The following SPTBN4 variants were observed in gnomAD, a reference collection of about 807,000 sequenced individuals.
SPTBN4 encodes spectrin beta chain, non-erythrocytic 4.
Under a neutral mutation model 277.8 loss-of-function variants are expected in SPTBN4, and 96 were observed. The ratio of observed to expected loss-of-function variants is 0.35; its 90% CI spans 0.29 to 0.41. The LOEUF (loss-of-function observed/expected upper bound fraction) is 0.41. SPTBN4 is among the 10% of genes least tolerant of loss of function. SPTBN4 has a pLI of 1.00. For missense variants in SPTBN4, 3,006 were observed against 3,595.7 expected (o/e 0.84, Z 4.19); for synonymous variants, 1,481 against 1,580.3 (o/e 0.94, Z 1.49).
At chr19:40,527,342 G>A (rs2080604593) in intron 17 of SPTBN4, among the ~76,000 whole-genome samples, 1 of 151,990 alleles carries the variant, frequency 6.6e-6, no homozygotes, top group African/African-American at 2.4e-5. Flanking sequence ...ACAAATATAA[G>A]TCGAGCGTGT....
chr19:40,493,650 G>C (rs1337517618), intron 5 of SPTBN4, among the ~76,000 whole-genome samples: 2 of 152,032 alleles, frequency 1.3e-5, no homozygotes, highest in East Asian at 3.9e-4. Context: ...TTTGAGTCCA[G>C]GAGTTCAAGG....
At chr19:40,533,652 C>T (rs1315571632) in intron 19 of SPTBN4, among the ~76,000 whole-genome samples, 2 of 151,996 alleles carry the variant, frequency 1.3e-5, no homozygotes, top group Non-Finnish European at 2.9e-5. Context: ...CCCTGCCTCT[C>T]TGGCTCCCTC....
chr19:40,517,152 G>A (rs2080469853), intron 15 of SPTBN4, among the ~76,000 whole-genome samples: 2 of 152,096 alleles, frequency 1.3e-5, no homozygotes, highest in African/African-American at 4.8e-5. Flanking sequence ...ACACTATGAG[G>A]TGGAAACTAC....
At chr19:40,575,329 AG>A in intron 35 of SPTBN4, 81 bp from the exon 36 acceptor site, 1 of 1,440,338 alleles carries the variant, frequency 6.9e-7, no homozygotes, top group Non-Finnish European at 9.3e-7. Context: ...AATTTCAGAG[AG>A]GGTAGTCTGA....
chr19:40,467,626 G>T (rs923782889), intron 1 of SPTBN4, among the ~76,000 whole-genome samples: 3 of 102,530 alleles, frequency 2.9e-5, no homozygotes, highest in Admixed American at 8.8e-5. Flanking sequence ...GCCTTTGCGG[G>T]GGGGGGGGGG....
chr19:40,531,669 G>A (rs182670764), intron 18 of SPTBN4, among the ~76,000 whole-genome samples: 8 of 151,452 alleles, frequency 5.3e-5, no homozygotes, highest in Admixed American at 3.3e-4. Flanking sequence ...GCCTGTGATT[G>A]ATCCTCTCTA....
intron 20 of SPTBN4, among the ~76,000 whole-genome samples, chr19:40,541,417 G>C (rs1307571759): frequency 6.6e-6 from 1 of 152,196 alleles, no homozygotes; most frequent in Admixed American, 6.5e-5. Flanking sequence ...GTGTGGGCCA[G>C]GGCACCCAGA....
intron 13 of SPTBN4, among the ~76,000 whole-genome samples, chr19:40,507,024 T>G (rs746838846): frequency 6.6e-6 from 1 of 152,014 alleles, no homozygotes; most frequent in Non-Finnish European, 1.5e-5. Flanking sequence ...GTAATGTTAA[T>G]CAGGGCCTAT....
At chr19:40,508,590 A>T (rs931905088) in intron 13 of SPTBN4, among the ~76,000 whole-genome samples, 2 of 152,354 alleles carry the variant, frequency 1.3e-5, no homozygotes, top group African/African-American at 2.4e-5. Flanking sequence ...CAGAAGGCTG[A>T]GGCAGGAGAA....
chr19:40,567,799 A>G lies in SPTBN4; in HGVS notation c.6473A>G (p.Glu2158Gly). ...LRPGGYERGLEPLARRASDTL... is the reference protein window; with the variant it reads ...LRPGGYERGLGPLARRASDTL... ...CCAGGGGGCTATGAAAGGGGCTTGG[A>G]GCCCCTGGCCCGCCGAGCCTCGGAC... The change falls in exon 31 of 36, where the codon GAG becomes GGG. Residue 2158 changes from glutamate to glycine, a missense_variant. Physicochemically the swap from Glu to Gly is moderately conservative, Grantham distance 98. Around this residue, in one of 5 missense-constraint regions of SPTBN4, gnomAD observed 630 missense variants for 677.6 expected, o/e 0.93. Coordinates refer to ENST00000598249, the MANE Select transcript of SPTBN4 (RefSeq NM_020971.3). The G allele has an allele frequency of 4.0e-6, 6 of 1,509,500 alleles. No individual in the cohort carries two copies. The highest frequency in any genetic ancestry group is 1.9e-4 in the Middle Eastern group (1 of 5,382). 93.5% of individuals were successfully genotyped at this position (1,509,500 alleles called of 1,614,324 possible). A position where few individuals can be genotyped will look rare whatever the true frequency, so the allele number is the denominator to read the frequency against.
chr19:40,512,830 G>A lies in SPTBN4; in HGVS notation c.2041G>A (p.Ala681Thr), dbSNP rs1568793674. The change falls in exon 14 of 36, where the codon GCA becomes ACA. Residue 681 changes from alanine (A) to threonine (T), a missense_variant. Coordinates refer to ENST00000598249, the MANE Select transcript of SPTBN4 (RefSeq NM_020971.3). ...CGGCGGTGCGGCGGGCGCAGCGGGCGCAGCGGGAACAGCGGGCGGCGCGCA... is the reference window on the plus strand; with the variant it reads ...CGGCGGTGCGGCGGGCGCAGCGGGCACAGCGGGAACAGCGGGCGGCGCGCA... ...GGGGAAGAAG[A>T]AGTAGGAHDL... The A allele has an allele frequency of 2.8e-6, 4 of 1,453,846 alleles. No homozygotes were observed. The highest frequency in any genetic ancestry group is 2.8e-5 in the Admixed American group (1 of 35,552). The allele number at this position is 1,453,846 out of a possible 1,614,324, so 90.1% of individuals were successfully genotyped here.
rs944748648 is a variant in SPTBN4 at position 40,549,354 on chromosome 19, C to T, written c.4525C>T (p.Arg1509Cys). Residue 1509 changes from arginine to cysteine, a missense_variant, in exon 21 of 36, where the codon CGC becomes TGC. Physicochemically the swap from Arg to Cys is radical, Grantham distance 180 (BLOSUM62 -3). Coordinates refer to ENST00000598249, the MANE Select transcript of SPTBN4 (RefSeq NM_020971.3). The part of the protein sequence containing the change: ...RLLEPLQERR[R>C]LLLASKELHQ... ...GCTCGAGCCGTTGCAGGAGCGCCGC[C>T]GCTTGCTGCTGGCTTCCAAGGAGTT... is the stretch of plus-strand genomic sequence containing the variant. 1 of 1,529,072 alleles carries T rather than the reference C, an allele frequency of 6.5e-7. No individual in the cohort carries two copies. The highest frequency in any genetic ancestry group is 8.8e-7 in the Non-Finnish European group (1 of 1,141,772). The allele number at this position is 1,529,072 out of a possible 1,614,324, so 94.7% of individuals were successfully genotyped here. A position where few individuals can be genotyped will look rare whatever the true frequency, so the allele number is the denominator to read the frequency against.
intron 17 of SPTBN4, among the ~76,000 whole-genome samples, chr19:40,526,878 C>T (rs960894499): frequency 1.3e-5 from 2 of 152,200 alleles, no homozygotes; most frequent in Non-Finnish European, 2.9e-5. Flanking sequence ...CGTGAGCCAT[C>T]GTGCCCGGCC....
At chr19:40,472,264 C>T (rs1160029760) in intron 1 of SPTBN4, among the ~76,000 whole-genome samples, 1 of 151,840 alleles carries the variant, frequency 6.6e-6, no homozygotes, top group Non-Finnish European at 1.5e-5. Context: ...AGGCTTGTCT[C>T]GAACTCCTGG....
Position 40,502,886 on chromosome 19 carries a change from G to T in SPTBN4, c.1315G>T (p.Ala439Ser). Residue 439 changes from alanine (A) to serine (S), a missense_variant, in exon 11 of 36, where the codon GCT (alanine) becomes TCT (serine). By Grantham distance (99) the Ala-to-Ser change is moderately conservative (BLOSUM62 1). Around this residue, in one of 5 missense-constraint regions of SPTBN4, gnomAD observed 1,759 missense variants for 2,061.5 expected, o/e 0.85. Coordinates refer to ENST00000598249, the MANE Select transcript of SPTBN4 (RefSeq NM_020971.3). This position sits in a 1 kb window ranked among gnomAD's most constrained non-coding sequence, Gnocchi z 4.9. The part of the protein sequence containing the change: ...LLAQRFDHKV[A>S]MRESWLNENQ... Reference sequence around the variant, plus strand: ...GGCACAGAGGTTTGACCACAAGGTGGCTATGAGGGAGAGCTGGCTGAATGA... The same window carrying T: ...GGCACAGAGGTTTGACCACAAGGTGTCTATGAGGGAGAGCTGGCTGAATGA... 6.2e-7 allele frequency: 1 copy of T among 1,613,906 alleles called. No individual in the cohort carries two copies. Among genetic ancestry groups the T allele is most frequent in the Non-Finnish European group, 8.5e-7 (1 of 1,180,012 alleles).
At chr19:40,476,883 G>A (rs12974349) in intron 2 of SPTBN4, among the ~76,000 whole-genome samples, 25,306 of 151,678 alleles carry the variant, frequency 0.17, 2,560 homozygotes, top group African/African-American at 0.28. Context: ...CACCGCGCCC[G>A]TCCTGTTTTT....
At position 40,490,167 on chromosome 19, in the gene SPTBN4, G is replaced by A; in HGVS notation, c.414G>A (p.Glu138=). The A allele has an allele frequency of 1.2e-6, 2 of 1,614,238 alleles. No homozygotes were observed. Among genetic ancestry groups the A allele is most frequent in the Non-Finnish European group, 1.7e-6 (2 of 1,180,044 alleles). Residue 138 remains glutamate, a synonymous_variant, in exon 4 of 36, where the codon GAG becomes GAA. Transcript: ENST00000598249. This position sits in a 1 kb window ranked among gnomAD's most constrained non-coding sequence, Gnocchi z 4.3. ...TGAAGGAGCAGCGCGTGCACCTGGA[G>A]AACGTGGGTTCGCATGACATCGTGG... ...QFLKEQRVHL[E]NVGSHDIVDG...
In SPTBN4 at chr19:40,467,127, G is replaced by A. The variant is rs1023476954; in HGVS notation, c.-194G>A. The A allele has an allele frequency of 1.3e-5, 2 of 148,854 alleles. No individual in the cohort carries two copies. Among genetic ancestry groups the A allele is most frequent in the Non-Finnish European group, 3.0e-5 (2 of 66,434 alleles). 9.2% of individuals were successfully genotyped at this position (148,854 alleles called of 1,614,324 possible). On this transcript the variant is annotated 5_prime_UTR_variant, in exon 1 of 36. Transcript: ENST00000598249. ...GTCCCGGGGGCGCGCTGAGCGCGGC[G>A]GCGGCGCGAGAGAGGGAGGCGCGGC... is the stretch of plus-strand genomic sequence containing the variant.
intron 20 of SPTBN4, among the ~76,000 whole-genome samples, chr19:40,543,721 G>A (rs1417887682): frequency 6.6e-6 from 1 of 151,980 alleles, no homozygotes; most frequent in South Asian, 2.1e-4. Context: ...TTTACTAACC[G>A]AGCAGTCTTC....
Sources: allele counts gnomAD v4.1 joint callset (sites outside exome capture counted in the v4.1 genomes callset), GRCh38; gene constraint gnomAD v4.1.1; regional missense constraint gnomAD v4.1.1; non-coding constraint Gnocchi (gnomAD v3.1); transcripts MANE v1.5; gene names NCBI Gene and HGNC (gene_info 2026-07-23, HGNC 2026-07-21).